Variants in PIP4K2A observed in about 807,000 individuals in gnomAD.
PIP4K2A encodes the protein phosphatidylinositol-5-phosphate 4-kinase type 2 alpha, also known as phosphatidylinositol 5-phosphate 4-kinase type-2 alpha.
In PIP4K2A, 14 loss-of-function variants were observed where a neutral mutation model predicts 42.9. That is an observed-to-expected ratio of 0.33 (90% CI 0.22 to 0.51). The LOEUF is 0.51. Among genes scored for constraint, PIP4K2A ranks in the 20% least tolerant of loss-of-function variants. PIP4K2A has a pLI of 0.97. For synonymous variants in PIP4K2A, 192 were observed against 192.2 expected, an observed-to-expected ratio of 1.00 and a Z score of 0.01; for missense variants, 434 against 519.8, an observed-to-expected ratio of 0.83 and a Z score of 1.61.
At chr10:22,659,854 G>A (rs1839169770) in intron 1 of PIP4K2A, 1 of 152,094 alleles carries the variant, frequency 6.6e-6, no homozygotes, top group African/African-American at 2.4e-5. Context: ...AAAAAATAGG[G>A]TTTGATTTAA....
chr10:22,661,600 T>C (rs1475914502), intron 1 of PIP4K2A: 3 of 152,144 alleles, frequency 2.0e-5, no homozygotes, highest in Non-Finnish European at 2.9e-5. Context: ...TGGCCTCAAA[T>C]GATTCTCCTG....
chr10:22,613,513 T>C (rs557594260), intron 1 of PIP4K2A, among the ~76,000 whole-genome samples: 16 of 151,942 alleles, frequency 1.1e-4, no homozygotes, highest in African/African-American at 3.9e-4. Context: ...GGAGGGAAGA[T>C]GGGGCTCCCG....
chr10:22,585,191 T>G (rs1233968344), intron 4 of PIP4K2A, among the ~76,000 whole-genome samples: 5 of 152,214 alleles, frequency 3.3e-5, no homozygotes, highest in Admixed American at 3.3e-4. Flanking sequence ...ATCCTTTGAA[T>G]AGTAACACCA....
chr10:22,579,254 A>G (rs1434785498), intron 4 of PIP4K2A, among the ~76,000 whole-genome samples: 1 of 152,216 alleles, frequency 6.6e-6, no homozygotes, highest in East Asian at 1.9e-4. Context: ...TGTACCACGC[A>G]ATGTATCCTC....
chr10:22,611,003 G>A (rs912109531), intron 1 of PIP4K2A, among the ~76,000 whole-genome samples: 1 of 152,126 alleles, frequency 6.6e-6, no homozygotes, highest in African/African-American at 2.4e-5. Flanking sequence ...TTTAAGCTGT[G>A]AGAAATTATA....
chr10:22,566,017 C>T (rs899960060), intron 6 of PIP4K2A, among the ~76,000 whole-genome samples: 3 of 152,132 alleles, frequency 2.0e-5, no homozygotes, highest in Non-Finnish European at 2.9e-5. Flanking sequence ...CAGTGGTGCC[C>T]GAAACTTCAT....
intron 1 of PIP4K2A, among the ~76,000 whole-genome samples, chr10:22,627,440 G>T (rs151299562): frequency 6.6e-6 from 1 of 151,718 alleles, no homozygotes; most frequent in South Asian, 2.1e-4. Flanking sequence ...GAATAATACA[G>T]ATCTTAAATA....
In PIP4K2A at chr10:22,714,367, C is replaced by A; in HGVS notation, c.-41G>T. 16 of 1,480,082 alleles carry A rather than the reference C, an allele frequency of 1.1e-5. No individual in the cohort carries two copies. Among genetic ancestry groups the A allele is most frequent in the Non-Finnish European group, 1.4e-5 (16 of 1,108,032 alleles). 91.7% of individuals were successfully genotyped at this position (1,480,082 alleles called of 1,614,324 possible). A position where few individuals can be genotyped will look rare whatever the true frequency, so the allele number is the denominator to read the frequency against. On this transcript the variant is annotated 5_prime_UTR_variant, in exon 1 of 10. Coordinates refer to ENST00000376573, the MANE Select transcript of PIP4K2A (RefSeq NM_005028.5). ...CCCCTCCACCGCCGTGCTCCCGAGG[C>A]CGGGGACCCGCCCTCTCTACACCCC...
At chr10:22,575,421 C>T (rs1360569040) in intron 4 of PIP4K2A, among the ~76,000 whole-genome samples, 1 of 152,174 alleles carries the variant, frequency 6.6e-6, no homozygotes, top group East Asian at 1.9e-4. Context: ...CCCGCCATTC[C>T]TCTCTGATTC....
intron 1 of PIP4K2A, among the ~76,000 whole-genome samples, chr10:22,673,697 A>G (rs549563397): frequency 6.8e-4 from 104 of 152,364 alleles, no homozygotes; most frequent in African/African-American, 2.5e-3. Context: ...GGACTATTAC[A>G]TAATAGGAAG....
intron 1 of PIP4K2A, among the ~76,000 whole-genome samples, chr10:22,638,188 AGAAT>A (rs1189434577): frequency 2.0e-5 from 3 of 152,364 alleles, no homozygotes; most frequent in South Asian, 2.1e-4. Context: ...GTACTTGCTA[AGAAT>A]GAATGAATAA....
At chr10:22,610,140 G>A (rs1837997174) in intron 1 of PIP4K2A, among the ~76,000 whole-genome samples, 1 of 152,204 alleles carries the variant, frequency 6.6e-6, no homozygotes, top group Non-Finnish European at 1.5e-5. Flanking sequence ...TAATGGACGT[G>A]ATTTATATAT....
chr10:22,609,790 T>C lies in PIP4K2A; in HGVS notation c.145-73A>G, dbSNP rs1837990024. 17 of 869,710 alleles carry C rather than the reference T, an allele frequency of 2.0e-5. No individual in the cohort carries two copies. The East Asian group carries it at 3.3e-4, about 17-fold the overall frequency. The allele number at this position is 869,710 out of a possible 1,614,324, so 53.9% of individuals were successfully genotyped here. On this transcript the variant is annotated intron_variant, in intron 1 of 9. Coordinates refer to ENST00000376573, the MANE Select transcript of PIP4K2A (RefSeq NM_005028.5). ...GGAGGACTTGACTTGAATGTGTACC[T>C]TGGGAAAAAAAACATGGTGGACACA...
intron 1 of PIP4K2A, among the ~76,000 whole-genome samples, chr10:22,670,530 T>C (rs1229897393): frequency 6.6e-6 from 1 of 152,214 alleles, no homozygotes; most frequent in African/African-American, 2.4e-5. Flanking sequence ...CTTTATTGCA[T>C]ACGTACAGGG....
At chr10:22,630,467 A>C (rs1838526079) in intron 1 of PIP4K2A, among the ~76,000 whole-genome samples, 1 of 152,202 alleles carries the variant, frequency 6.6e-6, no homozygotes, top group South Asian at 2.1e-4. Flanking sequence ...TAAAATACAG[A>C]ATTACTAGAT....
intron 1 of PIP4K2A, among the ~76,000 whole-genome samples, chr10:22,654,029 T>C (rs1278707691): frequency 1.3e-5 from 2 of 152,116 alleles, no homozygotes; most frequent in Non-Finnish European, 2.9e-5. Context: ...TTTTGGTGAG[T>C]GCAGCAGTGT....
chr10:22,661,425 T>C (rs1439411632), intron 1 of PIP4K2A, among the ~76,000 whole-genome samples: 1 of 146,428 alleles, frequency 6.8e-6, no homozygotes, highest in Non-Finnish European at 1.5e-5. Context: ...AGCACAGTCA[T>C]AGCTCACTGC....
At chr10:22,667,491 T>C (rs147456013) in intron 1 of PIP4K2A, among the ~76,000 whole-genome samples, 1 of 152,358 alleles carries the variant, frequency 6.6e-6, no homozygotes, top group East Asian at 1.9e-4. Context: ...GTAATATCTA[T>C]GTGGTTTTAC....
At chr10:22,648,520 C>G (rs1463938009) in intron 1 of PIP4K2A, among the ~76,000 whole-genome samples, 3 of 152,194 alleles carry the variant, frequency 2.0e-5, no homozygotes, top group African/African-American at 7.2e-5. Context: ...TTTGCCTTTT[C>G]CAAGTATTTT....
Sources: gnomAD v4.1 joint callset for allele counts (sites outside exome capture counted in the v4.1 genomes callset) on GRCh38, gnomAD v4.1.1 for gene constraint, MANE v1.5 for transcripts, NCBI Gene and HGNC (gene_info 2026-07-23, HGNC 2026-07-21) for gene names.